The following BEGAIN variants were observed in gnomAD, a reference collection of about 807,000 sequenced individuals.
BEGAIN encodes brain enriched guanylate kinase associated.
Under a neutral mutation model 35.8 loss-of-function variants are expected in BEGAIN, and 19 were observed. That is an observed-to-expected ratio of 0.53 (90% CI 0.37 to 0.78). The LOEUF (loss-of-function observed/expected upper bound fraction) is 0.78. BEGAIN is among the 30% of genes least tolerant of loss of function. The pLI, the probability that BEGAIN is intolerant of heterozygous loss-of-function variation, is 0.00. For synonymous variants in BEGAIN, 462 were observed against 388.6 expected, an observed-to-expected ratio of 1.19 and a Z score of -2.22; for missense variants, 795 against 853.6, an observed-to-expected ratio of 0.93 and a Z score of 0.85.
chr14:100,583,657 TTC>T (rs1373201837), intron 1 of BEGAIN, among the ~76,000 whole-genome samples: 1 of 150,678 alleles, frequency 6.6e-6, no homozygotes, highest in African/African-American at 2.4e-5. Context: ...TTTTCTTTTT[TTC>T]TTTCTTTCTC....
At position 100,586,040 on chromosome 14, in the gene BEGAIN, G is replaced by C. The variant is rs954749851; in HGVS notation, c.42+1209C>G. 6.6e-6 allele frequency among the ~76,000 whole-genome samples: 1 copy of C among 152,224 alleles called. No homozygotes were observed. Among genetic ancestry groups the C allele is most frequent in the African/African-American group, 2.4e-5 (1 of 41,474 alleles). On this transcript the variant is annotated intron_variant, in intron 1 of 6. Coordinates refer to ENST00000554140, the MANE Select transcript of BEGAIN (RefSeq NM_001385089.1). This position sits in a 1 kb window ranked among gnomAD's most constrained non-coding sequence, Gnocchi z 4.9. The stretch of plus-strand genomic sequence containing the variant: ...CCTCTCTGCCGTCTCCCCGCCCTGC[G>C]TGTCACAGATGCCAGGCAGAGCCAC...
At chr14:100,545,443 T>G (rs1364337028) in intron 3 of BEGAIN, 1 of 1,048,452 alleles carries the variant, frequency 9.5e-7, no homozygotes, top group African/African-American at 1.7e-5. Context: ...CAAATGCAAA[T>G]GAGCAGGGAA....
intron 2 of BEGAIN, among the ~76,000 whole-genome samples, chr14:100,553,264 C>A (rs993273041): frequency 1.3e-5 from 2 of 152,062 alleles, no homozygotes; most frequent in Non-Finnish European, 2.9e-5. Context: ...ATGCCCCTCC[C>A]GCCGCCTCTC....
At chr14:100,544,170 G>A (rs1023580412) in intron 4 of BEGAIN, among the ~76,000 whole-genome samples, 1 of 152,204 alleles carries the variant, frequency 6.6e-6, no homozygotes, top group African/African-American at 2.4e-5. Context: ...CCTTGGGGAC[G>A]TCACTGCCTC....
chr14:100,579,706 G>A (rs7493101), intron 1 of BEGAIN, among the ~76,000 whole-genome samples: 85,343 of 152,076 alleles, frequency 0.56, 27,477 homozygotes, highest in African/African-American at 0.89. Flanking sequence ...TGCCCAAAGC[G>A]CCCCTGACTG....
intron 2 of BEGAIN, among the ~76,000 whole-genome samples, chr14:100,559,160 A>G (rs2034019070): frequency 6.6e-6 from 1 of 151,966 alleles, no homozygotes; most frequent in South Asian, 2.1e-4. Flanking sequence ...TAGAGCAGGG[A>G]GCCTCAGTGG....
chr14:100,568,156 G>T lies in BEGAIN; in HGVS notation c.43-217C>A. ...GGCCGAGTAACAGGTGAGCCCGCCCGGGCCGCCGCGCTCCCCGCACCGAGT... is the reference window on the plus strand; with the variant it reads ...GGCCGAGTAACAGGTGAGCCCGCCCTGGCCGCCGCGCTCCCCGCACCGAGT... On this transcript the variant is annotated intron_variant, in intron 1 of 6. Transcript: ENST00000554140. The surrounding 1 kb of genome is among the most constrained non-coding windows in gnomAD (Gnocchi z 7.5). 4.3e-6 allele frequency: 4 copies of T among 929,184 alleles called. No homozygotes were observed. Among genetic ancestry groups the T allele is most frequent in the African/African-American group, 3.6e-5 (2 of 55,416 alleles). 57.6% of individuals were successfully genotyped at this position (929,184 alleles called of 1,614,324 possible). A position where few individuals can be genotyped will look rare whatever the true frequency, so the allele number is the denominator to read the frequency against.
chr14:100,538,561 A>C lies in BEGAIN; in HGVS notation c.1247T>G (p.Leu416Arg). The C allele has an allele frequency of 6.5e-7, 1 of 1,529,656 alleles. No homozygotes were observed. Among genetic ancestry groups the C allele is most frequent in the Non-Finnish European group, 8.8e-7 (1 of 1,138,652 alleles). 94.8% of individuals were successfully genotyped at this position (1,529,656 alleles called of 1,614,324 possible). ...CCCCGGCTTGGCCCGCAGGCTCCAC[A>C]GGTTTGGGGGCATCAGGGCCTGCTG... ...GPQQALMPPN[L>R]WSLRAKPGTA... The change falls in exon 7 of 7, where the codon CTG (leucine) becomes CGG (arginine). Residue 416 changes from leucine (L) to arginine (R), a missense_variant. By Grantham distance (102) the Leu-to-Arg change is moderately radical (BLOSUM62 -2). Coordinates refer to ENST00000554140, the MANE Select transcript of BEGAIN (RefSeq NM_001385089.1).
intron 2 of BEGAIN, among the ~76,000 whole-genome samples, chr14:100,560,600 G>A (rs2034157297): frequency 6.6e-6 from 1 of 152,160 alleles, no homozygotes; most frequent in African/African-American, 2.4e-5. Flanking sequence ...AGACCCCCAG[G>A]ACACAGAGAA....
Position 100,563,212 on chromosome 14 carries a change from C to G in BEGAIN, c.71+4699G>C, listed in dbSNP as rs1423388765. On this transcript the variant is annotated intron_variant, in intron 2 of 6. Transcript: ENST00000554140. This position sits in a 1 kb window ranked among gnomAD's most constrained non-coding sequence, Gnocchi z 4.2. The stretch of plus-strand genomic sequence containing the variant: ...ATAGGAGTGAAGGAGAGAGTGTGGC[C>G]CGAACACCTGGGTGTCCTTGTGCAA... Among the ~76,000 whole-genome samples, 1 of 152,128 alleles carries G rather than the reference C, an allele frequency of 6.6e-6. No homozygotes were observed. Among genetic ancestry groups the G allele is most frequent in the Admixed American group, 6.5e-5 (1 of 15,280 alleles).
At chr14:100,559,207 G>T (rs1239802163) in intron 2 of BEGAIN, among the ~76,000 whole-genome samples, 1 of 152,048 alleles carries the variant, frequency 6.6e-6, no homozygotes, top group African/African-American at 2.4e-5. Context: ...TGCGCGGTGG[G>T]CCCAGGAGGC....
intron 6 of BEGAIN, among the ~76,000 whole-genome samples, chr14:100,539,686 C>A (rs932904731): frequency 6.6e-6 from 1 of 151,558 alleles, no homozygotes; most frequent in Non-Finnish European, 1.5e-5. Flanking sequence ...TTGTGCCCAG[C>A]GAGGGGTTGA....
Position 100,537,541 on chromosome 14 carries a change from T to TCCTTC in BEGAIN, c.*423_*427dup, listed in dbSNP as rs145999874. The TCCTTC allele has an allele frequency of 1.5e-3, 248 of 167,084 alleles. 2 individuals carry two copies. In the East Asian group the frequency reaches 0.016, roughly 11 times the overall value. The allele number at this position is 167,084 out of a possible 1,614,324, so 10.4% of individuals were successfully genotyped here. ...AGAGTCTGGTCTCCACAGGACACCG[T>TCCTTC]CCTTCCCTTCCCTTCCAAGGGGCAG... On this transcript the variant is annotated 3_prime_UTR_variant, in exon 7 of 7. Transcript: ENST00000554140.
intron 1 of BEGAIN, among the ~76,000 whole-genome samples, chr14:100,576,341 C>T (rs1450832088): frequency 2.6e-5 from 4 of 152,142 alleles, no homozygotes; most frequent in Non-Finnish European, 5.9e-5. Flanking sequence ...CAACCCGGCT[C>T]CTCCACCTCC....
chr14:100,545,717 A>T (rs1325939306), intron 3 of BEGAIN, among the ~76,000 whole-genome samples: 1 of 152,212 alleles, frequency 6.6e-6, no homozygotes, highest in Non-Finnish European at 1.5e-5. Flanking sequence ...GGCAGGGCCC[A>T]GATTTTAACT....
At chr14:100,587,044 C>G (rs2035459873) in intron 1 of BEGAIN, among the ~76,000 whole-genome samples, 1 of 151,780 alleles carries the variant, frequency 6.6e-6, no homozygotes, top group Admixed American at 6.5e-5. Flanking sequence ...CCCGCCCCAC[C>G]CGAGAGTGCC....
Position 100,544,055 on chromosome 14 carries a change from T to G in BEGAIN, c.301-90A>C, listed in dbSNP as rs892476194. The G allele has an allele frequency of 5.4e-6, 5 of 932,806 alleles. No individual in the cohort carries two copies. The African/African-American group carries it at 8.2e-5, about 15-fold the overall frequency. The allele number at this position is 932,806 out of a possible 1,614,324, so 57.8% of individuals were successfully genotyped here. Reference sequence around the variant, plus strand: ...CGATTGCACCCCCTGGTTTGTCCCTTGTAGCCATGAGTGACAAGACACTTA... The same window carrying G: ...CGATTGCACCCCCTGGTTTGTCCCTGGTAGCCATGAGTGACAAGACACTTA... On this transcript the variant is annotated intron_variant, in intron 4 of 6. Transcript: ENST00000554140.
In BEGAIN at chr14:100,538,407, G is replaced by A. The variant is rs1319091156; in HGVS notation, c.1401C>T (p.Tyr467=). ...CCGGGCTGCCCCCGGCCCCGCCGTA[G>A]TAGCGTTCAGAGAAGCTGCAGGGTG... ...RASPCSFSER[Y]YGGAGGSPGK... is the part of the protein sequence containing the mutation. Residue 467 remains tyrosine, a synonymous_variant, in exon 7 of 7, where the codon TAC becomes TAT. Transcript: ENST00000554140. The A allele has an allele frequency of 2.5e-6, 4 of 1,571,538 alleles. No individual in the cohort carries two copies. Among genetic ancestry groups the A allele is most frequent in the Non-Finnish European group, 3.4e-6 (4 of 1,163,084 alleles).
intron 1 of BEGAIN, among the ~76,000 whole-genome samples, chr14:100,581,884 G>A (rs1310080080): frequency 2.0e-5 from 3 of 152,270 alleles, no homozygotes; most frequent in Admixed American, 2.0e-4. Context: ...GATGTTGGGA[G>A]GACCCTGCCG....
Sources: gnomAD v4.1 joint callset for allele counts (sites outside exome capture counted in the v4.1 genomes callset) on GRCh38, gnomAD v4.1.1 for gene constraint, Gnocchi (gnomAD v3.1) non-coding constraint, MANE v1.5 for transcripts, NCBI Gene and HGNC (gene_info 2026-07-23, HGNC 2026-07-21) for gene names.